The following PATJ variants were observed in gnomAD, a reference collection of about 807,000 sequenced individuals.
PATJ encodes the protein PATJ crumbs cell polarity complex component.
In PATJ, 190 loss-of-function variants were observed where a neutral mutation model predicts 224.9. The observed-to-expected ratio is 0.84, with a 90% CI of 0.75 to 0.95. The LOEUF (loss-of-function observed/expected upper bound fraction) is 0.95, where lower values mean the gene tolerates loss of function less well. PATJ is among the 40% of genes least tolerant of loss of function. PATJ has a pLI of 0.00. For missense variants in PATJ, 2,121 were observed against 2,270.3 expected, an observed-to-expected ratio of 0.93 and a Z score of 1.34; for synonymous variants, 769 against 820.3, an observed-to-expected ratio of 0.94 and a Z score of 1.07.
chr1:62,045,694 C>T (rs941356621), intron 30 of PATJ, among the ~76,000 whole-genome samples: 1 of 152,166 alleles, frequency 6.6e-6, no homozygotes, highest in East Asian at 1.9e-4. Context: ...CCCAGCCATC[C>T]GGATTAGCTG....
Position 62,070,052 on chromosome 1 carries a change from C to T in PATJ, c.4126-9398C>T, listed in dbSNP as rs113874474. On this transcript the variant is annotated intron_variant, in intron 31 of 43. Transcript: ENST00000642238. ...ATTAGTACTTCTTCCATGTGATGTG[C>T]AAATTGGATTTTTAAACCTGTAGTT... Among the ~76,000 whole-genome samples the T allele has an allele frequency of 2.4e-3, 369 of 152,236 alleles. 1 individual carries two copies. Among genetic ancestry groups the T allele is most frequent in the Non-Finnish European group, 4.5e-3 (304 of 68,014 alleles).
intron 27 of PATJ, among the ~76,000 whole-genome samples, chr1:61,987,352 A>C (rs1644817825): frequency 6.6e-6 from 1 of 152,114 alleles, no homozygotes; most frequent in Non-Finnish European, 1.5e-5. Flanking sequence ...GAGTTATCTT[A>C]TATCTACTAT....
intron 21 of PATJ, among the ~76,000 whole-genome samples, chr1:61,884,016 C>A (rs999891521): frequency 6.6e-6 from 1 of 151,640 alleles, no homozygotes; most frequent in Non-Finnish European, 1.5e-5. Context: ...AAATTGTAAC[C>A]GACTTCTGTT....
chr1:61,758,952 G>GT (rs945896291), intron 1 of PATJ, among the ~76,000 whole-genome samples: 2 of 152,134 alleles, frequency 1.3e-5, no homozygotes, highest in African/African-American at 4.8e-5. Context: ...ATTTTCTCCT[G>GT]TTTTCCAGCT....
At chr1:61,889,273 T>G (rs1345394487) in intron 22 of PATJ, among the ~76,000 whole-genome samples, 1 of 152,222 alleles carries the variant, frequency 6.6e-6, no homozygotes. Context: ...TTATCTACAG[T>G]GCACTTTTGC....
In PATJ at chr1:61,771,491, GA is replaced by G. The variant is rs776143928; in HGVS notation, c.587del (p.Asn196ThrfsTer18). On this transcript the variant is annotated frameshift_variant, in exon 6 of 44. Transcript: ENST00000642238. LOFTEE classifies it high-confidence loss of function. ...CCATTAATCACACGCCATTGGATCA[GA>G]ACATTTCCCATCAGCAAGCAATTGC... is the stretch of plus-strand genomic sequence containing the variant. ...LAINHTPLDQ[N>X]ISHQQAIALL... is the part of the protein sequence containing the mutation. 1.2e-6 allele frequency: 2 copies of G among 1,612,708 alleles called. No homozygotes were observed. Among genetic ancestry groups the G allele is most frequent in the Non-Finnish European group, 1.7e-6 (2 of 1,179,496 alleles).
At chr1:61,938,271 G>A (rs1196752803) in intron 27 of PATJ, among the ~76,000 whole-genome samples, 1 of 152,134 alleles carries the variant, frequency 6.6e-6, no homozygotes, top group Non-Finnish European at 1.5e-5. Flanking sequence ...GGGTATCAAG[G>A]TATGGTCCCT....
intron 24 of PATJ, among the ~76,000 whole-genome samples, chr1:61,906,467 G>A (rs902291023): frequency 3.9e-5 from 6 of 152,198 alleles, no homozygotes; most frequent in Admixed American, 3.9e-4. Context: ...ATGTGAAAGG[G>A]GCTATTAATG....
intron 27 of PATJ, among the ~76,000 whole-genome samples, chr1:61,965,795 G>C (rs1432103354): frequency 6.6e-6 from 1 of 152,214 alleles, no homozygotes; most frequent in Non-Finnish European, 1.5e-5. Context: ...GCCACAGTAG[G>C]AGAGATTTGT....
chr1:61,954,914 C>G (rs11809259), intron 27 of PATJ, among the ~76,000 whole-genome samples: 1 of 151,924 alleles, frequency 6.6e-6, no homozygotes. Flanking sequence ...CCACCACGCC[C>G]GGCTCATTTT....
At chr1:62,134,276 T>G (rs570240513) in intron 41 of PATJ, among the ~76,000 whole-genome samples, 1 of 141,844 alleles carries the variant, frequency 7.1e-6, no homozygotes, top group South Asian at 2.5e-4. Context: ...CTGTCCCACC[T>G]CAGCCTCCCA....
At chr1:61,775,702 A>T (rs1056283186) in intron 7 of PATJ, among the ~76,000 whole-genome samples, 1 of 152,190 alleles carries the variant, frequency 6.6e-6, no homozygotes, top group African/African-American at 2.4e-5. Context: ...AGTGATTATA[A>T]ACATTTGTCC....
intron 41 of PATJ, among the ~76,000 whole-genome samples, chr1:62,146,100 A>G (rs1668013676): frequency 6.6e-6 from 1 of 152,214 alleles, no homozygotes; most frequent in Non-Finnish European, 1.5e-5. Context: ...CAAAGGCCTC[A>G]GAGTAGTGAA....
rs1188013565 is a variant in PATJ at position 62,144,780 on chromosome 1, AT to A, written c.5272-3503del. Among the ~76,000 whole-genome samples the A allele has an allele frequency of 2.8e-3, 329 of 119,140 alleles. 5 individuals carry two copies. Among genetic ancestry groups the A allele is most frequent in the African/African-American group, 0.012 (306 of 26,078 alleles). The allele number at this position is 119,140 out of a possible 152,430, so 78.2% of individuals were successfully genotyped here. A position where few individuals can be genotyped will look rare whatever the true frequency, so the allele number is the denominator to read the frequency against. ...AATGTTATTTGCAAAAAAAAAAAAT[AT>A]ATATATATATATATAATTAGCAGAA... On this transcript the variant is annotated intron_variant, in intron 41 of 43. Coordinates refer to ENST00000642238, the MANE Select transcript of PATJ (RefSeq NM_001350145.3).
chr1:62,156,054 T>TATAA (rs1553284980), intron 43 of PATJ, among the ~76,000 whole-genome samples: 6 of 43,062 alleles, frequency 1.4e-4, no homozygotes, highest in African/African-American at 1.9e-4. Flanking sequence ...CAAGACTCTG[T>TATAA]AAAAAAAAAA....
At chr1:61,773,485 T>G (rs538019960) in intron 6 of PATJ, among the ~76,000 whole-genome samples, 15 of 151,646 alleles carry the variant, frequency 9.9e-5, no homozygotes, top group African/African-American at 3.4e-4. Context: ...CTGGGGAACA[T>G]AGTCAAACCC....
chr1:62,011,310 T>C (rs138207944), intron 28 of PATJ, among the ~76,000 whole-genome samples: 2,257 of 152,320 alleles, frequency 0.015, 52 homozygotes, highest in African/African-American at 0.052. Context: ...TGATTTAAAG[T>C]GAGAGATGTG....
At chr1:62,139,610 C>T (rs1171074173) in intron 41 of PATJ, among the ~76,000 whole-genome samples, 1 of 151,890 alleles carries the variant, frequency 6.6e-6, no homozygotes, top group African/African-American at 2.4e-5. Context: ...CTGAACACAC[C>T]CTTTGGAGAT....
intron 9 of PATJ, among the ~76,000 whole-genome samples, chr1:61,793,488 C>T (rs1650328282): frequency 6.6e-6 from 1 of 152,038 alleles, no homozygotes; most frequent in South Asian, 2.1e-4. Flanking sequence ...TGCCTGTAAT[C>T]CCAGCACTTT....
Sources: gnomAD v4.1 joint callset for allele counts (sites outside exome capture counted in the v4.1 genomes callset) on GRCh38, gnomAD v4.1.1 for gene constraint, MANE v1.5 for transcripts, NCBI Gene and HGNC (gene_info 2026-07-23, HGNC 2026-07-21) for gene names.